The following SEM1 variants were observed in gnomAD, a reference collection of about 807,000 sequenced individuals.
The protein encoded by SEM1 is SEM1 26S proteasome subunit.
A neutral mutation model predicts 12.7 loss-of-function variants in SEM1; 3 were observed. That is an observed-to-expected ratio of 0.24 (90% CI 0.11 to 0.61). The LOEUF is 0.61. Among genes scored for constraint, SEM1 ranks in the 20% least tolerant of loss-of-function variants. SEM1 has a pLI of 0.88. For synonymous variants in SEM1, 30 were observed against 27.8 expected (o/e 1.08, Z -0.25); for missense variants, 59 against 81.3 (o/e 0.73, Z 1.06).
At chr7:96,620,843 T>C (rs1807871184), downstream of SEM1, among the ~76,000 whole-genome samples, 1 of 152,228 alleles carries the variant, frequency 6.6e-6, no homozygotes, top group African/African-American at 2.4e-5. Context: ...TTTTAGTTTA[T>C]ATTTTTGCAT....
At chr7:96,621,175 C>G (rs1807881741), downstream of SEM1, among the ~76,000 whole-genome samples, 1 of 152,052 alleles carries the variant, frequency 6.6e-6, no homozygotes, top group Admixed American at 6.5e-5. Flanking sequence ...GAAGAGTTGT[C>G]CAGGAAAGCT....
chr7:96,706,553 A>G (rs1790468363), intron 1 of SEM1, among the ~76,000 whole-genome samples: 1 of 139,932 alleles, frequency 7.1e-6, no homozygotes, highest in Non-Finnish European at 1.5e-5. Context: ...CAAGAGTGAA[A>G]CTCCATCTCA....
chr7:96,543,610 C>T (rs1186047862), intron 2 of SEM1, among the ~76,000 whole-genome samples: 1 of 152,010 alleles, frequency 6.6e-6, no homozygotes, highest in East Asian at 1.9e-4. Context: ...TCTATTATCA[C>T]TTTTTTCTAA....
chr7:96,555,633 G>A (rs932545549), intron 2 of SEM1, among the ~76,000 whole-genome samples: 1 of 143,836 alleles, frequency 7.0e-6, no homozygotes. Context: ...TTTGGAATAG[G>A]TGTGGTGCGG....
intron 2 of SEM1, among the ~76,000 whole-genome samples, chr7:96,567,648 G>T (rs1805884951): frequency 6.6e-6 from 1 of 151,260 alleles, no homozygotes. Context: ...CAATTAGATG[G>T]ATATTAAAAA....
At chr7:96,526,402 A>T (rs1264491619) in intron 2 of SEM1, among the ~76,000 whole-genome samples, 1 of 152,014 alleles carries the variant, frequency 6.6e-6, no homozygotes, top group African/African-American at 2.4e-5. Flanking sequence ...GTCTCTTCTT[A>T]TTCCCAACTA....
chr7:96,495,696 T>A (rs976933185), intron 1 of SEM1, among the ~76,000 whole-genome samples: 1 of 152,164 alleles, frequency 6.6e-6, no homozygotes, highest in Non-Finnish European at 1.5e-5. Flanking sequence ...TCCTTTCCCC[T>A]CTTCCAAACA....
intron 2 of SEM1, among the ~76,000 whole-genome samples, chr7:96,509,313 G>C (rs771474823): frequency 3.3e-5 from 5 of 151,726 alleles, no homozygotes; most frequent in African/African-American, 1.2e-4. Flanking sequence ...ATCAAGAGAC[G>C]CAATCTTTAT....
chr7:96,566,514 T>C (rs1278226404), intron 2 of SEM1, among the ~76,000 whole-genome samples: 1 of 151,652 alleles, frequency 6.6e-6, no homozygotes, highest in African/African-American at 2.4e-5. Context: ...TTCTAATTGA[T>C]TCATAAGAAC....
At chr7:96,558,885 C>T (rs1805611617) in intron 2 of SEM1, among the ~76,000 whole-genome samples, 1 of 152,108 alleles carries the variant, frequency 6.6e-6, no homozygotes, top group Non-Finnish European at 1.5e-5. Flanking sequence ...TTGGTAGACC[C>T]TTGCAGCCCT....
intron 2 of SEM1, among the ~76,000 whole-genome samples, chr7:96,576,956 A>G (rs902876079): frequency 6.6e-6 from 1 of 152,076 alleles, no homozygotes; most frequent in African/African-American, 2.4e-5. Flanking sequence ...CGTTTCTACT[A>G]AAAATACAAA....
At chr7:96,570,474 C>A (rs1178999895) in intron 2 of SEM1, among the ~76,000 whole-genome samples, 1 of 151,974 alleles carries the variant, frequency 6.6e-6, no homozygotes, top group East Asian at 1.9e-4. Flanking sequence ...TGTTAGTTTG[C>A]TGAAAATGAT....
chr7:96,629,614 G>A (rs1222443412), intron 2 of SEM1, among the ~76,000 whole-genome samples: 2 of 152,002 alleles, frequency 1.3e-5, no homozygotes, highest in African/African-American at 2.4e-5. Context: ...TCACATATCC[G>A]TTTCTCCAGG....
downstream of SEM1, among the ~76,000 whole-genome samples, chr7:96,687,697 T>C (rs914680511): frequency 3.9e-5 from 6 of 152,046 alleles, no homozygotes; most frequent in African/African-American, 1.5e-4. Flanking sequence ...GACGAGTTAA[T>C]GGGTGCAGCA....
At chr7:96,678,673 C>A (rs1428820885) in intron 2 of SEM1, among the ~76,000 whole-genome samples, 2 of 152,184 alleles carry the variant, frequency 1.3e-5, no homozygotes, top group Non-Finnish European at 2.9e-5. Flanking sequence ...CCTGGGAACA[C>A]CATTTGACAT....
chr7:96,552,706 A>G (rs62471380), intron 2 of SEM1, among the ~76,000 whole-genome samples: 82,225 of 150,988 alleles, frequency 0.54, 25,320 homozygotes, highest in Non-Finnish European at 0.69. Context: ...GTATATACCC[A>G]GTAATGGGAT....
chr7:96,706,594 AAGAG>A lies in SEM1; in HGVS notation c.76+3090_76+3093del, dbSNP rs1362394395. Among the ~76,000 whole-genome samples the A allele has an allele frequency of 3.2e-5, 4 of 123,472 alleles. No homozygotes were observed. In the South Asian group the frequency reaches 1.2e-3, roughly 36 times the overall value. The allele number at this position is 123,472 out of a possible 152,430, so 81.0% of individuals were successfully genotyped here. A position where few individuals can be genotyped will look rare whatever the true frequency, so the allele number is the denominator to read the frequency against. On this transcript the variant is annotated intron_variant, in intron 1 of 2. Transcript: ENST00000248566. The stretch of plus-strand genomic sequence containing the variant: ...ACAAAAAAAAAAAAAAAAAAAAAAA[AAGAG>A]AGAGAGAAGAAACAATAAAAATTCC...
chr7:96,530,886 T>C (rs1455149361), intron 2 of SEM1, among the ~76,000 whole-genome samples: 1 of 152,070 alleles, frequency 6.6e-6, no homozygotes, highest in African/African-American at 2.4e-5. Context: ...AGGGATTCCT[T>C]GTTCTGCTAA....
At chr7:96,682,115 G>A (rs1301862246) in intron 2 of SEM1, among the ~76,000 whole-genome samples, 1 of 152,014 alleles carries the variant, frequency 6.6e-6, no homozygotes, top group Admixed American at 6.6e-5. Context: ...CTTGTAAATT[G>A]TAGTCCTAGG....
Sources: gnomAD v4.1 joint callset for allele counts (sites outside exome capture counted in the v4.1 genomes callset) on GRCh38, gnomAD v4.1.1 for gene constraint, MANE v1.5 for transcripts, NCBI Gene and HGNC (gene_info 2026-07-23, HGNC 2026-07-21) for gene names.